PRKN: variants seen among roughly 807,000 people sequenced by gnomAD.
PRKN encodes E3 ubiquitin-protein ligase parkin.
PRKN carries 56 observed loss-of-function variants against 59.5 expected under a neutral mutation model. That is an observed-to-expected ratio of 0.94 (90% CI 0.76 to 1.18). The LOEUF (loss-of-function observed/expected upper bound fraction) is 1.18. PRKN is among the 50% of genes most tolerant of loss of function. The pLI, the probability that PRKN is intolerant of heterozygous loss-of-function variation, is 0.00. For synonymous variants in PRKN, 250 were observed against 222.1 expected (o/e 1.13, Z -1.12); for missense variants, 657 against 596.4 (o/e 1.10, Z -1.06).
chr6:162,371,342 A>G (rs949045817), intron 2 of PRKN, among the ~76,000 whole-genome samples: 2 of 152,272 alleles, frequency 1.3e-5, no homozygotes, highest in African/African-American at 4.8e-5. Flanking sequence ...GCTAATCATC[A>G]GAGTCTCTTG....
intron 7 of PRKN, among the ~76,000 whole-genome samples, chr6:161,597,680 A>G (rs1390657159): frequency 6.6e-6 from 1 of 152,192 alleles, no homozygotes; most frequent in Non-Finnish European, 1.5e-5. Context: ...TCCAAGTTTC[A>G]TAATTCCAGA....
intron 5 of PRKN, among the ~76,000 whole-genome samples, chr6:161,977,564 T>TTTTTTTTA (rs1781091264): frequency 6.9e-6 from 1 of 145,698 alleles, no homozygotes; most frequent in African/African-American, 2.5e-5. Flanking sequence ...TTTTTTTTTT[T>TTTTTTTTA]TAAGACAGAG....
chr6:161,878,866 TG>T (rs1051330084), intron 6 of PRKN, among the ~76,000 whole-genome samples: 8 of 152,154 alleles, frequency 5.3e-5, no homozygotes, highest in Admixed American at 3.9e-4. Flanking sequence ...GGTATATAGT[TG>T]TGAATGGAAT....
intron 7 of PRKN, among the ~76,000 whole-genome samples, chr6:161,756,417 G>A (rs1309290662): frequency 2.5e-5 from 3 of 119,128 alleles, no homozygotes; most frequent in African/African-American, 3.2e-5. Flanking sequence ...ACTCCAGCCA[G>A]GGTGACAGAG....
chr6:162,189,668 A>T (rs1289503131), intron 4 of PRKN, among the ~76,000 whole-genome samples: 1 of 151,818 alleles, frequency 6.6e-6, no homozygotes, highest in Non-Finnish European at 1.5e-5. Flanking sequence ...TCAAGACTTA[A>T]TTTTTTGGTC....
chr6:162,669,283 C>G (rs899273565), intron 1 of PRKN, among the ~76,000 whole-genome samples: 2 of 151,812 alleles, frequency 1.3e-5, no homozygotes, highest in Admixed American at 1.3e-4. Flanking sequence ...AGATTAATAG[C>G]AACAAATTAG....
intron 2 of PRKN, among the ~76,000 whole-genome samples, chr6:162,428,643 T>A (rs1163422925): frequency 6.6e-6 from 1 of 152,164 alleles, no homozygotes; most frequent in Non-Finnish European, 1.5e-5. Context: ...TCTCTTTCCC[T>A]TGCATCTCAC....
intron 7 of PRKN, among the ~76,000 whole-genome samples, chr6:161,626,858 T>C (rs1211975826): frequency 6.6e-6 from 1 of 152,186 alleles, no homozygotes; most frequent in African/African-American, 2.4e-5. Flanking sequence ...TGTGGATAAT[T>C]AACATGGTCA....
intron 9 of PRKN, among the ~76,000 whole-genome samples, chr6:161,496,021 A>T (rs1777736388): frequency 1.3e-5 from 2 of 152,172 alleles, no homozygotes; most frequent in South Asian, 2.1e-4. Flanking sequence ...GCATGCTGTG[A>T]CCATCTTCTG....
At chr6:162,360,748 C>T (rs1785099134) in intron 2 of PRKN, among the ~76,000 whole-genome samples, 1 of 152,180 alleles carries the variant, frequency 6.6e-6, no homozygotes, top group Admixed American at 6.5e-5. Flanking sequence ...TTTCTCATTA[C>T]TTCTATGTTT....
chr6:162,684,455 A>C (rs945324522), intron 1 of PRKN, among the ~76,000 whole-genome samples: 1 of 152,182 alleles, frequency 6.6e-6, no homozygotes, highest in Non-Finnish European at 1.5e-5. Context: ...TTATCACCAC[A>C]GCAATTAATA....
chr6:162,369,922 G>T (rs1041034073), intron 2 of PRKN, among the ~76,000 whole-genome samples: 1 of 152,128 alleles, frequency 6.6e-6, no homozygotes, highest in Admixed American at 6.6e-5. Context: ...TCCTCGTCAT[G>T]GGGTCAGTGG....
intron 2 of PRKN, among the ~76,000 whole-genome samples, chr6:162,288,670 G>A (rs1781301520): frequency 6.6e-6 from 1 of 152,054 alleles, no homozygotes; most frequent in Non-Finnish European, 1.5e-5. Context: ...ACCCCTTATT[G>A]TAGCCTCATG....
intron 2 of PRKN, among the ~76,000 whole-genome samples, chr6:162,333,713 G>A (rs781142999): frequency 8.1e-4 from 123 of 152,164 alleles, no homozygotes; most frequent in Non-Finnish European, 1.2e-3. Flanking sequence ...ATGCTACGAC[G>A]GCATCTAAAT....
chr6:162,170,768 C>G (rs910581537), intron 4 of PRKN, among the ~76,000 whole-genome samples: 1 of 151,928 alleles, frequency 6.6e-6, no homozygotes, highest in Non-Finnish European at 1.5e-5. Flanking sequence ...AGTTCAGGAC[C>G]GAAAGAAGGA....
intron 5 of PRKN, among the ~76,000 whole-genome samples, chr6:162,024,420 C>T (rs1322496839): frequency 6.6e-6 from 1 of 152,140 alleles, no homozygotes; most frequent in African/African-American, 2.4e-5. Context: ...TGGTCTCAAA[C>T]TCCTGACTTC....
At position 162,454,314 on chromosome 6, in the gene PRKN, A is replaced by G. The variant is rs553094449; in HGVS notation, c.8-10841T>C. On this transcript the variant is annotated intron_variant, in intron 1 of 11. Coordinates refer to ENST00000366898, the MANE Select transcript of PRKN (RefSeq NM_004562.3). ...GTTCCCAATGGAGCTCTATTCCACT[A>G]CACTTTATAGTAAATTGTAATTGGT... is the stretch of plus-strand genomic sequence containing the variant. Among the ~76,000 whole-genome samples the G allele has an allele frequency of 2.6e-5, 4 of 152,202 alleles. No individual in the cohort carries two copies. In the South Asian group the frequency reaches 6.2e-4, roughly 24 times the overall value.
In PRKN at chr6:161,533,027, G is replaced by A. The variant is rs933869995; in HGVS notation, c.1083+15827C>T. ...AACTCATATTTTTAGATTTAAAAAAGGCAGCAAATTATGCAGCATAATAAA... is the reference window on the plus strand; with the variant it reads ...AACTCATATTTTTAGATTTAAAAAAAGCAGCAAATTATGCAGCATAATAAA... On this transcript the variant is annotated intron_variant, in intron 9 of 11. Transcript: ENST00000366898. This position sits in a 1 kb window ranked among gnomAD's most constrained non-coding sequence, Gnocchi z 4.1. 2.0e-5 allele frequency among the ~76,000 whole-genome samples: 3 copies of A among 152,012 alleles called. No homozygotes were observed. The highest frequency in any genetic ancestry group is 4.4e-5 in the Non-Finnish European group (3 of 67,998).
chr6:162,552,479 T>C (rs1173371598), intron 1 of PRKN, among the ~76,000 whole-genome samples: 1 of 151,834 alleles, frequency 6.6e-6, no homozygotes, highest in Non-Finnish European at 1.5e-5. Flanking sequence ...GTGTGGGAGG[T>C]GCAGAATCAA....
Sources: allele counts gnomAD v4.1 joint callset (sites outside exome capture counted in the v4.1 genomes callset), GRCh38; gene constraint gnomAD v4.1.1; non-coding constraint Gnocchi (gnomAD v3.1); transcripts MANE v1.5; gene names NCBI Gene and HGNC (gene_info 2026-07-23, HGNC 2026-07-21).